The following RBFOX3 variants were observed in gnomAD, a reference collection of about 807,000 sequenced individuals.
The protein encoded by RBFOX3 is RNA binding protein fox-1 homolog 3.
In RBFOX3, 17 loss-of-function variants were observed where a neutral mutation model predicts 48.7. That is an observed-to-expected ratio of 0.35 (90% CI 0.24 to 0.52). The LOEUF (loss-of-function observed/expected upper bound fraction) is 0.52, where lower values mean the gene tolerates loss of function less well. RBFOX3 is among the 20% of genes least tolerant of loss of function. RBFOX3 has a pLI of 0.94. For missense variants in RBFOX3, 382 were observed against 497.5 expected (o/e 0.77, Z 2.21); for synonymous variants, 212 against 209.5 (o/e 1.01, Z -0.10).
At chr17:79,531,494 T>C (rs1371909957) in intron 1 of RBFOX3, among the ~76,000 whole-genome samples, 3 of 152,140 alleles carry the variant, frequency 2.0e-5, no homozygotes. Context: ...CTGCTTTTGG[T>C]ATTCATCTGA....
chr17:79,244,427 A>G (rs1323874265), intron 3 of RBFOX3, among the ~76,000 whole-genome samples: 2 of 152,214 alleles, frequency 1.3e-5, no homozygotes, highest in South Asian at 2.1e-4. Context: ...CTTCTGTTGT[A>G]TGAAGCCTCC....
chr17:79,342,071 A>C (rs1485202643), intron 2 of RBFOX3, among the ~76,000 whole-genome samples: 1 of 152,214 alleles, frequency 6.6e-6, no homozygotes, highest in African/African-American at 2.4e-5. Context: ...GTCACCTGGC[A>C]TTAGAGGCGA....
At chr17:79,404,378 G>A (rs1237014850) in intron 2 of RBFOX3, among the ~76,000 whole-genome samples, 2 of 152,232 alleles carry the variant, frequency 1.3e-5, no homozygotes, top group African/African-American at 4.8e-5. Context: ...GATGCAAGGA[G>A]TTGGGACCAG....
At chr17:79,275,865 T>G (rs1199629494) in intron 3 of RBFOX3, among the ~76,000 whole-genome samples, 2 of 152,184 alleles carry the variant, frequency 1.3e-5, no homozygotes, top group Non-Finnish European at 2.9e-5. Context: ...AGGTGTTCCA[T>G]CCGTGGTATA....
intron 4 of RBFOX3, among the ~76,000 whole-genome samples, chr17:79,130,131 C>T (rs1166753992): frequency 6.6e-6 from 1 of 152,210 alleles, no homozygotes; most frequent in East Asian, 1.9e-4. Flanking sequence ...CCCCTGACAG[C>T]AGGTTTAATA....
rs971157503 is a variant in RBFOX3, at chr17:79,482,845, C to G, written c.-319-247G>C. ...TAGGACCCTATTGCCAAACAGCCAC[C>G]GTGCAGTCCATCCCAGGGTCCGCCC... On this transcript the variant is annotated intron_variant, in intron 1 of 14. Coordinates refer to ENST00000693108, the MANE Select transcript of RBFOX3 (RefSeq NM_001350451.2). The surrounding 1 kb of genome is among the most constrained non-coding windows in gnomAD (Gnocchi z 4.1). 1.3e-5 allele frequency among the ~76,000 whole-genome samples: 2 copies of G among 151,974 alleles called. No individual in the cohort carries two copies. The highest frequency in any genetic ancestry group is 3.9e-4 in the East Asian group (2 of 5,182).
intron 4 of RBFOX3, among the ~76,000 whole-genome samples, chr17:79,135,438 T>C (rs1024337173): frequency 3.3e-5 from 5 of 152,076 alleles, no homozygotes; most frequent in Non-Finnish European, 7.4e-5. Context: ...TTGGAGGGGG[T>C]TGCTCTGGGC....
At chr17:79,511,691 G>T (rs1047401864) in intron 1 of RBFOX3, among the ~76,000 whole-genome samples, 1 of 150,446 alleles carries the variant, frequency 6.6e-6, no homozygotes, top group South Asian at 2.1e-4. Flanking sequence ...GTTACCATCG[G>T]GTACAGCCCC....
intron 2 of RBFOX3, among the ~76,000 whole-genome samples, chr17:79,340,785 T>A (rs1226408537): frequency 6.6e-6 from 1 of 152,174 alleles, no homozygotes; most frequent in African/African-American, 2.4e-5. Flanking sequence ...TGGATTCCAT[T>A]GCTAACCATG....
intron 1 of RBFOX3, among the ~76,000 whole-genome samples, chr17:79,540,673 G>A (rs1042365285): frequency 4.6e-5 from 7 of 152,236 alleles, no homozygotes; most frequent in Non-Finnish European, 8.8e-5. Context: ...GGCTGAGAGC[G>A]GGGAGCTACA....
At chr17:79,147,561 G>C (rs550825333) in intron 4 of RBFOX3, among the ~76,000 whole-genome samples, 106 of 152,304 alleles carry the variant, frequency 7.0e-4, no homozygotes, top group African/African-American at 2.4e-3. Context: ...GGGGAGGGGG[G>C]GGGCTCACCT....
chr17:79,529,086 G>C (rs1399529316), intron 1 of RBFOX3, among the ~76,000 whole-genome samples: 1 of 152,200 alleles, frequency 6.6e-6, no homozygotes, highest in Non-Finnish European at 1.5e-5. Flanking sequence ...TCTCTTGTGA[G>C]ATCTCATTTA....
rs1208480613 is a variant in RBFOX3, at chr17:79,094,500, G to A, written c.1028C>T (p.Pro343Leu). 4 of 1,462,706 alleles carry A rather than the reference G, an allele frequency of 2.7e-6. No homozygotes were observed. Among genetic ancestry groups the A allele is most frequent in the Non-Finnish European group, 3.6e-6 (4 of 1,107,394 alleles). The allele number at this position is 1,462,706 out of a possible 1,614,324, so 90.6% of individuals were successfully genotyped here. ...CGCGGGCCCGATGGTGTGATGGTAC[G>A]GGTCGGCAGCTGCGTAGACTCTGCC... is the stretch of plus-strand genomic sequence containing the variant. Reference protein sequence around the residue: ...SYGRVYAAADPYHHTIGPAAT... With the variant: ...SYGRVYAAADLYHHTIGPAAT... Residue 343 changes from proline to leucine, a missense_variant, in exon 14 of 15, where the codon CCG (proline) becomes CTG (leucine). By Grantham distance (98) the Pro-to-Leu change is moderately conservative. Transcript: ENST00000693108.
intron 4 of RBFOX3, among the ~76,000 whole-genome samples, chr17:79,125,760 T>C (rs2037065877): frequency 6.6e-6 from 1 of 152,176 alleles, no homozygotes; most frequent in South Asian, 2.1e-4. Flanking sequence ...CGGGGCAGGC[T>C]GCAGTGGGAG....
chr17:79,656,802 GAA>G, the RBFOX3 span, among the ~76,000 whole-genome samples: 2 of 4,068 alleles, frequency 4.9e-4, no homozygotes, highest in Admixed American at 5.4e-3. Context: ...AAGAAAGAAA[GAA>G]AGAAAAGAAA....
At chr17:79,193,278 G>T (rs894274446) in intron 4 of RBFOX3, among the ~76,000 whole-genome samples, 3 of 152,192 alleles carry the variant, frequency 2.0e-5, no homozygotes, top group African/African-American at 7.2e-5. Flanking sequence ...CTCCCAGTGG[G>T]GGCAGGGAAT....
chr17:79,663,313 C>T, the RBFOX3 span, among the ~76,000 whole-genome samples: 1 of 152,218 alleles, frequency 6.6e-6, no homozygotes, highest in Non-Finnish European at 1.5e-5. Context: ...TCCCAGGTGA[C>T]TGATGCCAGG....
chr17:79,301,736 C>T lies in RBFOX3; in HGVS notation c.-74+5988G>A, dbSNP rs368213045. Among the ~76,000 whole-genome samples, 8 of 152,302 alleles carry T rather than the reference C, an allele frequency of 5.3e-5. No homozygotes were observed. In the East Asian group the frequency reaches 5.8e-4, roughly 11 times the overall value. On this transcript the variant is annotated intron_variant, in intron 3 of 14. Coordinates refer to ENST00000693108, the MANE Select transcript of RBFOX3 (RefSeq NM_001350451.2). ...AAGGGATGGATGGAGAAGCAGAATG[C>T]GGTTCCCCCACCCATACGTTGGAAA... is the stretch of plus-strand genomic sequence containing the variant.
At chr17:79,255,906 T>C (rs768426253) in intron 3 of RBFOX3, among the ~76,000 whole-genome samples, 22 of 151,046 alleles carry the variant, frequency 1.5e-4, no homozygotes, top group Admixed American at 7.3e-4. Flanking sequence ...TGCTTGGGGC[T>C]GGGGATCCTG....
Sources: gnomAD v4.1 joint callset for allele counts (sites outside exome capture counted in the v4.1 genomes callset) on GRCh38, gnomAD v4.1.1 for gene constraint, Gnocchi (gnomAD v3.1) non-coding constraint, MANE v1.5 for transcripts, NCBI Gene and HGNC (gene_info 2026-07-23, HGNC 2026-07-21) for gene names.